Variants in NTM observed in about 807,000 individuals in gnomAD.
NTM encodes the protein neurotrimin.
A neutral mutation model predicts 42.1 loss-of-function variants in NTM; 13 were observed. The observed-to-expected ratio is 0.31, with a 90% CI of 0.20 to 0.49. The LOEUF (loss-of-function observed/expected upper bound fraction) is 0.49, where lower values mean the gene tolerates loss of function less well. Among genes scored for constraint, NTM ranks in the 20% least tolerant of loss-of-function variants. NTM has a pLI of 0.99. For synonymous variants in NTM, 187 were observed against 179.2 expected (o/e 1.04, Z -0.35); for missense variants, 373 against 452.8 (o/e 0.82, Z 1.60).
At chr11:131,874,059 A>ATATATATATG (rs2048246772) in intron 1 of NTM, among the ~76,000 whole-genome samples, 1 of 102,868 alleles carries the variant, frequency 9.7e-6, no homozygotes, top group Non-Finnish European at 1.9e-5. Flanking sequence ...ATATATATAT[A>ATATATATATG]TATATATATC....
intron 2 of NTM, among the ~76,000 whole-genome samples, chr11:132,000,208 G>A (rs1042517571): frequency 1.3e-5 from 2 of 152,062 alleles, no homozygotes; most frequent in Non-Finnish European, 2.9e-5. Context: ...TTTCTCAAGG[G>A]CTCTGATTTC....
In NTM at chr11:131,470,750, A is replaced by G. The variant is rs375936503; in HGVS notation, c.82+99862A>G. Among the ~76,000 whole-genome samples the G allele has an allele frequency of 9.8e-5, 15 of 152,286 alleles. No individual in the cohort carries two copies. In the South Asian group the frequency reaches 1.4e-3, roughly 15 times the overall value. On this transcript the variant is annotated intron_variant, in intron 1 of 8. Transcript: ENST00000683400. ...GAAAGCAGCCCTGGTCTTCATTTGC[A>G]TGCAGTGGGACTATCAAAGGTCCTG...
chr11:132,107,286 A>T (rs1391533213), intron 2 of NTM, among the ~76,000 whole-genome samples: 1 of 148,768 alleles, frequency 6.7e-6, no homozygotes, highest in Non-Finnish European at 1.5e-5. Context: ...TGAAGTTTTC[A>T]TGTGACCTGC....
chr11:131,769,120 A>G (rs2085621890), intron 1 of NTM, among the ~76,000 whole-genome samples: 1 of 152,228 alleles, frequency 6.6e-6, no homozygotes, highest in African/African-American at 2.4e-5. Flanking sequence ...TCCCAGGGCA[A>G]CAGGCTATTA....
At position 131,678,538 on chromosome 11, in the gene NTM, G is replaced by A. The variant is rs1450220421; in HGVS notation, c.83-233026G>A. The stretch of plus-strand genomic sequence containing the variant: ...TTCCTCCTGTACTCCCTCTCCCAGT[G>A]TGGAGCTGTGAGATGCAGGAAAGGC... On this transcript the variant is annotated intron_variant, in intron 1 of 8. Coordinates refer to ENST00000683400, the MANE Select transcript of NTM (RefSeq NM_001352005.2). 2.0e-5 allele frequency among the ~76,000 whole-genome samples: 3 copies of A among 152,374 alleles called. No homozygotes were observed. In the East Asian group the frequency reaches 5.8e-4, roughly 29 times the overall value.
chr11:131,388,070 A>G (rs956404018), intron 1 of NTM, among the ~76,000 whole-genome samples: 1 of 152,192 alleles, frequency 6.6e-6, no homozygotes, highest in Non-Finnish European at 1.5e-5. Flanking sequence ...AAGGAGTGTG[A>G]AGACTGAATG....
chr11:131,573,155 G>A (rs906194250), intron 1 of NTM, among the ~76,000 whole-genome samples: 3 of 152,126 alleles, frequency 2.0e-5, no homozygotes, highest in African/African-American at 7.2e-5. Flanking sequence ...GGGAGCAACT[G>A]GTAAAGTCTG....
intron 1 of NTM, among the ~76,000 whole-genome samples, chr11:131,627,005 G>A (rs2063168181): frequency 6.6e-6 from 1 of 152,226 alleles, no homozygotes; most frequent in Non-Finnish European, 1.5e-5. Flanking sequence ...AATGAGATGC[G>A]AGGATCTGGC....
chr11:131,870,790 C>T (rs778453838), intron 1 of NTM, among the ~76,000 whole-genome samples: 33 of 152,174 alleles, frequency 2.2e-4, no homozygotes, highest in Non-Finnish European at 3.7e-4. Flanking sequence ...AAATAACCCA[C>T]ATGTACTACC....
chr11:132,065,389 T>C (rs942370772), intron 2 of NTM, among the ~76,000 whole-genome samples: 1 of 152,290 alleles, frequency 6.6e-6, no homozygotes, highest in African/African-American at 2.4e-5. Context: ...GTGTAGAATA[T>C]GCTTCTTATA....
chr11:131,592,074 A>C (rs942071818), intron 1 of NTM, among the ~76,000 whole-genome samples: 1 of 152,188 alleles, frequency 6.6e-6, no homozygotes, highest in Non-Finnish European at 1.5e-5. Flanking sequence ...TCAATGGTTA[A>C]GTCAGTGATG....
intron 3 of NTM, among the ~76,000 whole-genome samples, chr11:132,198,802 T>A (rs182729664): frequency 6.6e-6 from 1 of 152,358 alleles, no homozygotes; most frequent in Non-Finnish European, 1.5e-5. Context: ...GAGTGCCTAA[T>A]GTCTCAGGAC....
chr11:131,940,722 A>G (rs2059703771), intron 2 of NTM, among the ~76,000 whole-genome samples: 1 of 152,226 alleles, frequency 6.6e-6, no homozygotes, highest in Non-Finnish European at 1.5e-5. Context: ...TGAATATCTG[A>G]TACCAGACAT....
At chr11:131,680,142 C>A (rs2072189754) in intron 1 of NTM, among the ~76,000 whole-genome samples, 1 of 152,146 alleles carries the variant, frequency 6.6e-6, no homozygotes, top group African/African-American at 2.4e-5. Context: ...ACCCCCCATC[C>A]TTCTCTGGTA....
intron 1 of NTM, among the ~76,000 whole-genome samples, chr11:131,885,395 C>T (rs919370832): frequency 2.0e-5 from 3 of 152,152 alleles, no homozygotes; most frequent in African/African-American, 7.2e-5. Context: ...CAGGTGGGGG[C>T]CCCGTGGAGA....
chr11:131,794,089 C>T (rs1047585648), intron 1 of NTM, among the ~76,000 whole-genome samples: 2 of 152,154 alleles, frequency 1.3e-5, no homozygotes, highest in Non-Finnish European at 2.9e-5. Flanking sequence ...GGACGGTTCT[C>T]CAGGCAGGGA....
At chr11:132,275,833 G>A (rs2093705203) in intron 4 of NTM, among the ~76,000 whole-genome samples, 2 of 149,934 alleles carry the variant, frequency 1.3e-5, no homozygotes, top group South Asian at 4.2e-4. Context: ...TTTCTTTGTG[G>A]TGAGAACATT....
At chr11:131,550,819 G>C (rs1362746966) in intron 1 of NTM, among the ~76,000 whole-genome samples, 1 of 152,008 alleles carries the variant, frequency 6.6e-6, no homozygotes, top group Non-Finnish European at 1.5e-5. Context: ...CTGGGCAATA[G>C]AGCAATACCC....
chr11:132,316,948 T>A (rs1591974315), intron 7 of NTM, among the ~76,000 whole-genome samples: 1 of 152,352 alleles, frequency 6.6e-6, no homozygotes, highest in East Asian at 1.9e-4. Context: ...TTTTTGCGAA[T>A]ATACAAACTT....
Sources: allele counts gnomAD v4.1 joint callset (sites outside exome capture counted in the v4.1 genomes callset), GRCh38; gene constraint gnomAD v4.1.1; transcripts MANE v1.5; gene names NCBI Gene and HGNC (gene_info 2026-07-23, HGNC 2026-07-21).